CENPP: variants seen among roughly 807,000 people sequenced by gnomAD.
CENPP encodes centromere protein P.
CENPP carries 24 observed loss-of-function variants against 35.6 expected under a neutral mutation model. That is an observed-to-expected ratio of 0.67 (90% CI 0.49 to 0.95). The LOEUF (loss-of-function observed/expected upper bound fraction) is 0.95, where lower values mean the gene tolerates loss of function less well. Among genes scored for constraint, CENPP ranks in the 40% least tolerant of loss-of-function variants. The probability of loss-of-function intolerance (pLI) is 0.00; values close to 1 mark genes in which losing one functional copy is unlikely to be tolerated. For missense variants in CENPP, 332 were observed against 345.3 expected (o/e 0.96, Z 0.31); for synonymous variants, 120 against 125.5 (o/e 0.96, Z 0.29).
At chr9:92,341,066 C>G (rs1347498588) in intron 3 of CENPP, among the ~76,000 whole-genome samples, 7 of 152,230 alleles carry the variant, frequency 4.6e-5, no homozygotes, top group African/African-American at 1.7e-4. Flanking sequence ...AACAGCCCCC[C>G]CAGGGGCGCC....
At chr9:92,447,264 C>G (rs1031372960) in intron 5 of CENPP, among the ~76,000 whole-genome samples, 7 of 151,800 alleles carry the variant, frequency 4.6e-5, no homozygotes, top group African/African-American at 1.5e-4. Context: ...AATAATTATA[C>G]AGATCACCAT....
At chr9:92,460,547 C>G (rs373729044) in intron 5 of CENPP, 40 of 1,592,392 alleles carry the variant, frequency 2.5e-5, no homozygotes, top group Non-Finnish European at 3.4e-5. Context: ...AAGTGAAGCT[C>G]CAATAAAGTT....
intron 5 of CENPP, among the ~76,000 whole-genome samples, chr9:92,416,102 T>C (rs866084948): frequency 1.4e-5 from 2 of 140,244 alleles, no homozygotes; most frequent in South Asian, 4.4e-4. Context: ...TTATTTATTT[T>C]ATTTTTTTTT....
chr9:92,474,291 A>C (rs1016851793), intron 5 of CENPP, among the ~76,000 whole-genome samples: 3 of 152,168 alleles, frequency 2.0e-5, no homozygotes, highest in African/African-American at 7.2e-5. Flanking sequence ...TTTTACTGAA[A>C]AGTACAGTCT....
intron 4 of CENPP, among the ~76,000 whole-genome samples, chr9:92,361,827 A>T (rs965322088): frequency 1.3e-5 from 2 of 152,146 alleles, no homozygotes; most frequent in African/African-American, 4.8e-5. Flanking sequence ...ATATAATTAC[A>T]GTGCAGTGAT....
At chr9:92,560,580 T>C (rs1358433935) in intron 5 of CENPP, among the ~76,000 whole-genome samples, 2 of 152,216 alleles carry the variant, frequency 1.3e-5, no homozygotes, top group African/African-American at 4.8e-5. Context: ...CATGGCAGTT[T>C]ATATAATCTT....
At chr9:92,432,731 C>T (rs1461471809) in intron 5 of CENPP, among the ~76,000 whole-genome samples, 1 of 152,194 alleles carries the variant, frequency 6.6e-6, no homozygotes, top group Non-Finnish European at 1.5e-5. Flanking sequence ...TTCAAAGTTT[C>T]TTCTACAATG....
chr9:92,572,380 T>G (rs1184264683), intron 5 of CENPP, among the ~76,000 whole-genome samples: 2 of 152,260 alleles, frequency 1.3e-5, no homozygotes, highest in African/African-American at 2.4e-5. Context: ...AATTCTGGGT[T>G]GAAAATTCTT....
intron 5 of CENPP, among the ~76,000 whole-genome samples, chr9:92,550,345 G>A (rs907729259): frequency 7.9e-5 from 12 of 151,758 alleles, no homozygotes; most frequent in African/African-American, 2.2e-4. Context: ...GCAGTGAGCC[G>A]AGATCGTGCC....
intron 5 of CENPP, among the ~76,000 whole-genome samples, chr9:92,482,782 A>G (rs932107427): frequency 1.6e-4 from 24 of 152,250 alleles, no homozygotes; most frequent in Admixed American, 1.6e-3. Flanking sequence ...TAAAATATTT[A>G]TCAATCTGAA....
rs562357439 is a variant in CENPP at position 92,376,994 on chromosome 9, G to A, written c.468-2769G>A. On this transcript the variant is annotated intron_variant, in intron 4 of 7. Transcript: ENST00000375587. ...CAGGAAGCGGAGGTTTTGGTGAGCC[G>A]AGATTGCACCACTGCACTCCAGAGT... 5.3e-5 allele frequency among the ~76,000 whole-genome samples: 8 copies of A among 151,062 alleles called. No homozygotes were observed. In the East Asian group the frequency reaches 9.8e-4, roughly 18 times the overall value.
chr9:92,618,109 G>A lies in CENPP; in HGVS notation c.*4960G>A, dbSNP rs1041868106. 6 of 392,280 alleles carry A rather than the reference G, an allele frequency of 1.5e-5. No homozygotes were observed. Among genetic ancestry groups the A allele is most frequent in the African/African-American group, 1.0e-4 (5 of 47,708 alleles). 24.3% of individuals were successfully genotyped at this position (392,280 alleles called of 1,614,324 possible). On this transcript the variant is annotated 3_prime_UTR_variant, in exon 8 of 8. Coordinates refer to ENST00000375587, the MANE Select transcript of CENPP (RefSeq NM_001012267.3). ...CCACAGTTACTGGAACTTCACAGGT[G>A]CGGCCACTGCGCACACCTTCCTGGA...
intron 5 of CENPP, among the ~76,000 whole-genome samples, chr9:92,590,238 GT>G (rs1298175940): frequency 6.6e-6 from 1 of 152,056 alleles, no homozygotes; most frequent in Non-Finnish European, 1.5e-5. Context: ...TTGTTCTAAG[GT>G]TTTTTTCAAA....
chr9:92,500,258 C>T, intron 5 of CENPP, among the ~76,000 whole-genome samples: 1 of 152,154 alleles, frequency 6.6e-6, no homozygotes, highest in East Asian at 1.9e-4. Context: ...TCCCGGCTCA[C>T]TGCAACCTCT....
chr9:92,418,949 T>G (rs1843701816), intron 5 of CENPP, among the ~76,000 whole-genome samples: 1 of 152,174 alleles, frequency 6.6e-6, no homozygotes, highest in Non-Finnish European at 1.5e-5. Context: ...CTAGCTTCCT[T>G]TTTTCCATTA....
chr9:92,578,833 T>G (rs1850348844), intron 5 of CENPP, among the ~76,000 whole-genome samples: 2 of 152,194 alleles, frequency 1.3e-5, no homozygotes, highest in South Asian at 4.1e-4. Context: ...TTTTGTCTTT[T>G]GTTGCCATTG....
chr9:92,514,927 C>T lies in CENPP; in HGVS notation c.565-96387C>T, dbSNP rs1847601055. On this transcript the variant is annotated intron_variant, in intron 5 of 7. Coordinates refer to ENST00000375587, the MANE Select transcript of CENPP (RefSeq NM_001012267.3). Reference sequence around the variant, plus strand: ...TGCCAGCCTCCTCTCCTCTCCAGGCCTCTGCTTTCTGTCTCCTCCTCTGCT... The same window carrying T: ...TGCCAGCCTCCTCTCCTCTCCAGGCTTCTGCTTTCTGTCTCCTCCTCTGCT... The T allele has an allele frequency of 2.5e-6, 4 of 1,614,006 alleles. No homozygotes were observed. The Middle Eastern group carries it at 4.9e-4, about 200-fold the overall frequency.
chr9:92,435,463 A>G (rs1001262653), intron 5 of CENPP, among the ~76,000 whole-genome samples: 3 of 152,230 alleles, frequency 2.0e-5, no homozygotes, highest in Non-Finnish European at 2.9e-5. Context: ...AAACTATGGT[A>G]CAGTATTACA....
intron 5 of CENPP, among the ~76,000 whole-genome samples, chr9:92,408,859 C>A (rs1843374936): frequency 6.6e-6 from 1 of 152,088 alleles, no homozygotes. Flanking sequence ...TACACATAGA[C>A]CCTTTTTAAT....
Sources: gnomAD v4.1 joint callset for allele counts (sites outside exome capture counted in the v4.1 genomes callset) on GRCh38, gnomAD v4.1.1 for gene constraint, MANE v1.5 for transcripts, NCBI Gene and HGNC (gene_info 2026-07-23, HGNC 2026-07-21) for gene names.